IL1RAPL2: variants seen among roughly 807,000 people sequenced by gnomAD.
IL1RAPL2 encodes the protein X-linked interleukin-1 receptor accessory protein-like 2.
Under a neutral mutation model 44.1 loss-of-function variants are expected in IL1RAPL2, and 3 were observed. That is an observed-to-expected ratio of 0.07 (90% confidence interval 0.03 to 0.18). The LOEUF (loss-of-function observed/expected upper bound fraction) is 0.18, where lower values mean the gene tolerates loss of function less well. Ranked by LOEUF, IL1RAPL2 falls within the 10% of genes least tolerant of loss-of-function variation. IL1RAPL2 has a pLI of 1.00. For missense variants in IL1RAPL2, 391 were observed against 496.4 expected (o/e 0.79, Z 2.02); for synonymous variants, 181 against 178.8 (o/e 1.01, Z -0.10).
intron 6 of IL1RAPL2, among the ~76,000 whole-genome samples, chrX:105,679,181 C>CTTAAG (rs1052205019): frequency 4.5e-5 from 5 of 111,395 alleles, no homozygotes; most frequent in African/African-American, 1.6e-4. Flanking sequence ...TGAGGCTCTA[C>CTTAAG]TTAAGTTATA....
intron 6 of IL1RAPL2, among the ~76,000 whole-genome samples, chrX:105,673,481 C>T (rs768652585): frequency 3.6e-5 from 4 of 111,497 alleles, no homozygotes; most frequent in South Asian, 7.6e-4. Flanking sequence ...ATCCAAGTCC[C>T]TGCAAAGGAC....
intron 1 of IL1RAPL2, among the ~76,000 whole-genome samples, chrX:104,594,824 G>T (rs1928735076): frequency 1.8e-5 from 2 of 111,237 alleles, no homozygotes; most frequent in African/African-American, 6.5e-5. Flanking sequence ...ACAGCATCAG[G>T]GGACAAAGGG....
chrX:105,495,380 G>A (rs1217368450), intron 6 of IL1RAPL2, among the ~76,000 whole-genome samples: 4 of 111,947 alleles, frequency 3.6e-5, no homozygotes, highest in African/African-American at 1.3e-4. Flanking sequence ...CAAAAAAACT[G>A]AAGTAATAGT....
intron 6 of IL1RAPL2, among the ~76,000 whole-genome samples, chrX:105,706,977 C>T (rs2038171274): frequency 1.8e-5 from 2 of 111,498 alleles, no homozygotes; most frequent in South Asian, 3.8e-4. Context: ...GAACTCATTT[C>T]CTTCTCTCTT....
At chrX:104,755,586 T>C (rs1932328837) in intron 2 of IL1RAPL2, among the ~76,000 whole-genome samples, 2 of 110,936 alleles carry the variant, frequency 1.8e-5, no homozygotes, top group South Asian at 7.7e-4. Context: ...CAGTGTCCAT[T>C]CTATGATCCA....
chrX:104,832,634 G>T (rs930731001), intron 2 of IL1RAPL2, among the ~76,000 whole-genome samples: 1 of 111,840 alleles, frequency 8.9e-6, no homozygotes, highest in Non-Finnish European at 1.9e-5. Context: ...TTCCTTAGGT[G>T]TTCTGACTAT....
In IL1RAPL2 at chrX:104,572,218, C is replaced by T. The variant is rs147865716; in HGVS notation, c.-20+5167C>T. On this transcript the variant is annotated intron_variant, in intron 1 of 10. Transcript: ENST00000372582. ...ACAAAGCTATTATTGCTCTGGGGTC[C>T]TGGCTCAGATAGCACTAGACTAAAG... is the stretch of plus-strand genomic sequence containing the variant. 5.4e-5 allele frequency among the ~76,000 whole-genome samples: 6 copies of T among 111,826 alleles called. No homozygotes were observed. In the East Asian group the frequency reaches 1.7e-3, roughly 32 times the overall value.
At chrX:104,876,875 C>A (rs773497794) in intron 2 of IL1RAPL2, among the ~76,000 whole-genome samples, 9 of 109,196 alleles carry the variant, frequency 8.2e-5, no homozygotes, top group Admixed American at 7.8e-4. Flanking sequence ...GCTATCCCTC[C>A]CCGCTCCGCC....
chrX:105,279,437 A>G (rs1323185347), intron 5 of IL1RAPL2, among the ~76,000 whole-genome samples: 6 of 111,503 alleles, frequency 5.4e-5, no homozygotes, highest in Non-Finnish European at 9.4e-5. Context: ...ACACATTACT[A>G]TGATATGGTT....
chrX:105,277,884 T>C (rs2034498740), intron 5 of IL1RAPL2, among the ~76,000 whole-genome samples: 1 of 109,535 alleles, frequency 9.1e-6, no homozygotes, highest in African/African-American at 3.4e-5. Context: ...GTCCATAGAG[T>C]GACTTTTTTC....
rs2035553742 is a variant in IL1RAPL2, at chrX:105,395,288, C to T, written c.698-89025C>T. Reference sequence around the variant, plus strand: ...TGAAACCGGAAACCACTTCTCAAACCAGTCTGCCCCCTCTGAGGCTGAAAG... The same window carrying T: ...TGAAACCGGAAACCACTTCTCAAACTAGTCTGCCCCCTCTGAGGCTGAAAG... On this transcript the variant is annotated intron_variant, in intron 5 of 10. Transcript: ENST00000372582. Among the ~76,000 whole-genome samples, 5 of 109,556 alleles carry T rather than the reference C, an allele frequency of 4.6e-5. No homozygotes were observed. In the South Asian group the frequency reaches 2.0e-3, roughly 43 times the overall value.
At chrX:104,633,483 G>T (rs1180291607) in intron 1 of IL1RAPL2, among the ~76,000 whole-genome samples, 2 of 111,380 alleles carry the variant, frequency 1.8e-5, no homozygotes, top group East Asian at 5.6e-4. Flanking sequence ...GACTTTTTTT[G>T]GTTGGTAAGC....
chrX:105,157,923 T>G (rs1316822158), intron 2 of IL1RAPL2, among the ~76,000 whole-genome samples: 1 of 112,325 alleles, frequency 8.9e-6, no homozygotes, highest in Non-Finnish European at 1.9e-5. Flanking sequence ...TTTAGCTTCC[T>G]TTTTGAAAAG....
At chrX:104,621,011 C>T (rs920510587) in intron 1 of IL1RAPL2, among the ~76,000 whole-genome samples, 7 of 102,535 alleles carry the variant, frequency 6.8e-5, no homozygotes, top group African/African-American at 2.5e-4. Context: ...AATTCTAGTA[C>T]CTACTGCTGA....
At chrX:105,756,078 A>G (rs1431328511) in intron 10 of IL1RAPL2, among the ~76,000 whole-genome samples, 3 of 111,955 alleles carry the variant, frequency 2.7e-5, no homozygotes, top group Non-Finnish European at 5.6e-5. Flanking sequence ...TTAAAATGCC[A>G]TTGAGGAAAA....
intron 1 of IL1RAPL2, among the ~76,000 whole-genome samples, chrX:104,645,257 C>A (rs1202857357): frequency 9.0e-6 from 1 of 111,202 alleles, no homozygotes; most frequent in African/African-American, 3.3e-5. Flanking sequence ...ATATTTATAC[C>A]AATTCTGTTT....
chrX:105,566,316 G>A (rs910254396), intron 6 of IL1RAPL2, among the ~76,000 whole-genome samples: 5 of 111,333 alleles, frequency 4.5e-5, no homozygotes, highest in African/African-American at 1.6e-4. Flanking sequence ...GAGATATTTA[G>A]GAGTGTAAAT....
At chrX:105,112,794 G>T in intron 2 of IL1RAPL2, among the ~76,000 whole-genome samples, 1 of 112,842 alleles carries the variant, frequency 8.9e-6, no homozygotes, top group Non-Finnish European at 1.9e-5. Context: ...TGTTACAAAA[G>T]AAACTGCTAA....
intron 5 of IL1RAPL2, among the ~76,000 whole-genome samples, chrX:105,412,332 ATATATATAC>A (rs2035703348): frequency 9.7e-6 from 1 of 102,815 alleles, no homozygotes; most frequent in Non-Finnish European, 2.0e-5. Context: ...ATATATATAT[ATATATATAC>A]AATGGAATAC....
Sources: allele counts gnomAD v4.1 joint callset (sites outside exome capture counted in the v4.1 genomes callset), GRCh38; gene constraint gnomAD v4.1.1; transcripts MANE v1.5; gene names NCBI Gene and HGNC (gene_info 2026-07-23, HGNC 2026-07-21).